Variants in NCAM2 observed in about 807,000 individuals in gnomAD.
The protein encoded by NCAM2 is neural cell adhesion molecule 2.
In NCAM2, 30 loss-of-function variants were observed where a neutral mutation model predicts 98.1. That is an observed-to-expected ratio of 0.31 (90% CI 0.23 to 0.41). The LOEUF (loss-of-function observed/expected upper bound fraction) is 0.41. Ranked by LOEUF, NCAM2 falls within the 10% of genes least tolerant of loss-of-function variation. The pLI, the probability that NCAM2 is intolerant of heterozygous loss-of-function variation, is 1.00. For synonymous variants in NCAM2, 368 were observed against 342.4 expected (o/e 1.07, Z -0.83); for missense variants, 867 against 1,005.8 (o/e 0.86, Z 1.87).
intron 9 of NCAM2, 65 bp downstream of exon 9, chr21:21,374,078 C>A: frequency 6.8e-7 from 1 of 1,462,378 alleles, no homozygotes; most frequent in Non-Finnish European, 9.3e-7. Context: ...TATGATTTTT[C>A]AATAAAGACC....
intron 1 of NCAM2, among the ~76,000 whole-genome samples, chr21:21,212,899 C>A (rs752528051): frequency 6.6e-6 from 1 of 152,098 alleles, no homozygotes; most frequent in East Asian, 1.9e-4. Context: ...CCCGACACCA[C>A]GTGGGGCTAA....
chr21:21,319,211 A>T (rs2074304451), intron 5 of NCAM2, among the ~76,000 whole-genome samples: 1 of 152,220 alleles, frequency 6.6e-6, no homozygotes, highest in African/African-American at 2.4e-5. Flanking sequence ...GATGGAAAAT[A>T]TTTTTTAAAA....
At chr21:21,062,353 A>G (rs2065340736) in intron 1 of NCAM2, among the ~76,000 whole-genome samples, 1 of 152,148 alleles carries the variant, frequency 6.6e-6, no homozygotes, top group Non-Finnish European at 1.5e-5. Context: ...CCCATCCATA[A>G]AGTTAGAAGC....
At chr21:21,064,985 G>A (rs62207569) in intron 1 of NCAM2, among the ~76,000 whole-genome samples, 25,978 of 151,946 alleles carry the variant, frequency 0.17, 2,443 homozygotes, top group Non-Finnish European at 0.19. Flanking sequence ...TTCAAGAGCA[G>A]CCTGACCAAC....
chr21:21,316,386 A>G (rs9978884), intron 5 of NCAM2, among the ~76,000 whole-genome samples: 46,224 of 151,914 alleles, frequency 0.3, 7,551 homozygotes, highest in African/African-American at 0.41. Context: ...CTTTAAAAAC[A>G]TGCAATAATA....
chr21:21,486,196 C>T (rs542527317), intron 15 of NCAM2, among the ~76,000 whole-genome samples: 20 of 146,054 alleles, frequency 1.4e-4, no homozygotes, highest in Admixed American at 3.5e-4. Context: ...CCCAGCTACT[C>T]GGGAGGCTGA....
intron 1 of NCAM2, among the ~76,000 whole-genome samples, chr21:21,154,802 A>C (rs934175045): frequency 6.6e-6 from 1 of 151,836 alleles, no homozygotes; most frequent in Non-Finnish European, 1.5e-5. Context: ...TACCATTAGA[A>C]TAGGGTATAA....
At chr21:21,014,378 C>T (rs1181591341) in intron 1 of NCAM2, among the ~76,000 whole-genome samples, 1 of 149,442 alleles carries the variant, frequency 6.7e-6, no homozygotes, top group Non-Finnish European at 1.5e-5. Context: ...AGGCCGAGAT[C>T]GTGCTATTGC....
At chr21:21,422,140 C>G (rs1024456470) in intron 11 of NCAM2, among the ~76,000 whole-genome samples, 1 of 152,252 alleles carries the variant, frequency 6.6e-6, no homozygotes, top group African/African-American at 2.4e-5. Flanking sequence ...AGAGTGCCCA[C>G]TTGCCAAGAC....
At position 21,100,102 on chromosome 21, in the gene NCAM2, G is replaced by C. The variant is rs560959296; in HGVS notation, c.55+101484G>C. Among the ~76,000 whole-genome samples, 9 of 151,978 alleles carry C rather than the reference G, an allele frequency of 5.9e-5. No individual in the cohort carries two copies. The South Asian group carries it at 1.7e-3, about 28-fold the overall frequency. ...AAAACAGCAAAGAAAATGTCAAATT[G>C]TTAGTTTTCAAGTCTAAAATTGATT... On this transcript the variant is annotated intron_variant, in intron 1 of 17. Transcript: ENST00000400546.
chr21:21,342,898 G>A (rs915638332), intron 8 of NCAM2, among the ~76,000 whole-genome samples: 1 of 152,124 alleles, frequency 6.6e-6, no homozygotes, highest in African/African-American at 2.4e-5. Context: ...GAAAATTCAG[G>A]GGTTTGCACA....
At chr21:21,452,750 A>T (rs1487204576) in intron 12 of NCAM2, among the ~76,000 whole-genome samples, 1 of 107,830 alleles carries the variant, frequency 9.3e-6, no homozygotes, top group African/African-American at 3.8e-5. Context: ...TATAATATAT[A>T]ATATATTACT....
intron 9 of NCAM2, among the ~76,000 whole-genome samples, chr21:21,391,921 A>C (rs2076389039): frequency 6.7e-6 from 1 of 149,900 alleles, no homozygotes; most frequent in Non-Finnish European, 1.5e-5. Context: ...GTTCAGTCTA[A>C]TGCCAAAAAA....
At chr21:21,499,798 G>C (rs372512697) in intron 15 of NCAM2, among the ~76,000 whole-genome samples, 10 of 152,130 alleles carry the variant, frequency 6.6e-5, no homozygotes, top group African/African-American at 2.4e-4. Context: ...AACTAGATAT[G>C]TATATCACCA....
chr21:21,467,986 C>G (rs929952333), intron 13 of NCAM2, among the ~76,000 whole-genome samples: 22 of 152,006 alleles, frequency 1.4e-4, no homozygotes, highest in Non-Finnish European at 1.0e-4. Context: ...TTTCTTGGCC[C>G]TTCACATAGA....
intron 1 of NCAM2, among the ~76,000 whole-genome samples, chr21:21,154,752 A>G (rs1309505224): frequency 6.6e-6 from 1 of 151,882 alleles, no homozygotes; most frequent in African/African-American, 2.4e-5. Context: ...GTATGTTTAT[A>G]TGCATGTGTA....
At chr21:21,507,366 A>C (rs233779) in intron 15 of NCAM2, among the ~76,000 whole-genome samples, 53,452 of 151,936 alleles carry the variant, frequency 0.35, 10,844 homozygotes, top group African/African-American at 0.56. Context: ...TTTTATATAC[A>C]TATTTTTTCA....
intron 15 of NCAM2, among the ~76,000 whole-genome samples, chr21:21,480,766 G>T (rs926107687): frequency 6.6e-6 from 1 of 152,134 alleles, no homozygotes; most frequent in Admixed American, 6.6e-5. Context: ...ATAAAAGAAC[G>T]AAAAATTTCC....
intron 15 of NCAM2, among the ~76,000 whole-genome samples, chr21:21,500,473 A>G (rs1357140079): frequency 6.6e-6 from 1 of 152,158 alleles, no homozygotes; most frequent in East Asian, 1.9e-4. Context: ...TCGGATTGCT[A>G]GTATCAGTGG....
Sources: gnomAD v4.1 joint callset for allele counts (sites outside exome capture counted in the v4.1 genomes callset) on GRCh38, gnomAD v4.1.1 for gene constraint, MANE v1.5 for transcripts, NCBI Gene and HGNC (gene_info 2026-07-23, HGNC 2026-07-21) for gene names.